Variants in TFDP2 observed in about 807,000 individuals in gnomAD.
TFDP2 encodes the protein transcription factor Dp-2, also known as transcription factor Dp-2 (E2F dimerization partner 2).
A neutral mutation model predicts 59.3 loss-of-function variants in TFDP2; 17 were observed. The ratio of observed to expected loss-of-function variants is 0.29; its 90% confidence interval spans 0.20 to 0.43. The LOEUF (loss-of-function observed/expected upper bound fraction) is 0.43, where lower values mean the gene tolerates loss of function less well. Ranked by LOEUF, TFDP2 falls within the 20% of genes least tolerant of loss-of-function variation. The pLI, the probability that TFDP2 is intolerant of heterozygous loss-of-function variation, is 1.00. For missense variants in TFDP2, 391 were observed against 528.8 expected (o/e 0.74, Z 2.56); for synonymous variants, 180 against 194.7 (o/e 0.92, Z 0.63).
At position 141,968,414 on chromosome 3, in the gene TFDP2, CATATATATCTCATATATAG is replaced by C. The variant is rs1559937206; in HGVS notation, c.732+1640_732+1658del. Among the ~76,000 whole-genome samples, 97 of 103,682 alleles carry C rather than the reference CATATATATCTCATATATAG, an allele frequency of 9.4e-4. 5 individuals carry two copies. Among genetic ancestry groups the C allele is most frequent in the African/African-American group, 3.5e-3 (91 of 26,074 alleles). 68.0% of individuals were successfully genotyped at this position (103,682 alleles called of 152,430 possible). ...TATAACATATATATCATATATATAA[CATATATATCTCATATATAG>C]ATATATATAACATATATATCTCATA... On this transcript the variant is annotated intron_variant, in intron 9 of 12. Coordinates refer to ENST00000489671, the MANE Select transcript of TFDP2 (RefSeq NM_001178139.2).
intron 3 of TFDP2, among the ~76,000 whole-genome samples, chr3:142,064,673 A>G (rs1339718764): frequency 6.6e-6 from 1 of 152,182 alleles, no homozygotes; most frequent in Non-Finnish European, 1.5e-5. Context: ...TGGACTCACT[A>G]AAGGATGTAA....
At chr3:141,966,836 T>C (rs1473264269) in intron 9 of TFDP2, among the ~76,000 whole-genome samples, 1 of 150,448 alleles carries the variant, frequency 6.6e-6, no homozygotes, top group Non-Finnish European at 1.5e-5. Flanking sequence ...GTTACCTGTG[T>C]CATGTGACAT....
At chr3:142,136,433 C>T (rs141456572) in intron 1 of TFDP2, among the ~76,000 whole-genome samples, 2 of 151,936 alleles carry the variant, frequency 1.3e-5, no homozygotes, top group African/African-American at 4.8e-5. Flanking sequence ...TAATTAGATC[C>T]CATTTGTCTA....
intron 6 of TFDP2, among the ~76,000 whole-genome samples, chr3:141,989,901 T>C (rs1942568017): frequency 6.6e-6 from 1 of 150,562 alleles, no homozygotes; most frequent in Non-Finnish European, 1.5e-5. Flanking sequence ...ATAATTATTA[T>C]TATTATTATT....
intron 1 of TFDP2, among the ~76,000 whole-genome samples, chr3:142,131,733 C>T (rs1214602740): frequency 1.3e-5 from 2 of 150,064 alleles, no homozygotes; most frequent in Non-Finnish European, 2.9e-5. Flanking sequence ...TGGCCGGGCA[C>T]GATGTCTCAT....
chr3:142,010,608 CAA>C (rs34003711), intron 3 of TFDP2, among the ~76,000 whole-genome samples: 4 of 57,132 alleles, frequency 7.0e-5, no homozygotes, highest in Non-Finnish European at 1.3e-4. Flanking sequence ...GACTCTGTCT[CAA>C]AAAAAAAAAA....
intron 10 of TFDP2, among the ~76,000 whole-genome samples, chr3:141,960,099 G>A (rs1159598267): frequency 2.0e-5 from 3 of 152,204 alleles, no homozygotes; most frequent in African/African-American, 7.2e-5. Context: ...GTTACAAACA[G>A]AGGATAGAAA....
At chr3:142,059,579 GCTTT>G (rs1283639802) in intron 3 of TFDP2, among the ~76,000 whole-genome samples, 1 of 151,990 alleles carries the variant, frequency 6.6e-6, no homozygotes, top group Non-Finnish European at 1.5e-5. Flanking sequence ...GTTCTCTCCA[GCTTT>G]CTTTCTTTTT....
chr3:142,035,885 C>T (rs1299148911), intron 3 of TFDP2, among the ~76,000 whole-genome samples: 2 of 152,188 alleles, frequency 1.3e-5, no homozygotes, highest in African/African-American at 2.4e-5. Context: ...CCAATTAAAC[C>T]TCTTTCTTTT....
intron 1 of TFDP2, among the ~76,000 whole-genome samples, chr3:142,135,657 T>C (rs2062699178): frequency 6.6e-6 from 1 of 152,042 alleles, no homozygotes; most frequent in Non-Finnish European, 1.5e-5. Context: ...ATATGGTGTT[T>C]GGTTTTCTGT....
intron 8 of TFDP2, among the ~76,000 whole-genome samples, chr3:141,973,312 C>G (rs1940125904): frequency 6.6e-6 from 1 of 151,730 alleles, no homozygotes; most frequent in Admixed American, 6.6e-5. Context: ...CGGGGTTTTA[C>G]CATTTTGACA....
chr3:141,999,871 G>A (rs528280977), intron 4 of TFDP2, among the ~76,000 whole-genome samples: 172 of 152,200 alleles, frequency 1.1e-3, no homozygotes, highest in South Asian at 4.1e-3. Context: ...GAGTAGCTGG[G>A]ACTACAGGCG....
chr3:142,009,770 C>T (rs1944508682), intron 3 of TFDP2, among the ~76,000 whole-genome samples: 1 of 150,668 alleles, frequency 6.6e-6, no homozygotes, highest in South Asian at 2.1e-4. Context: ...AAATTACAGT[C>T]CAGAAATAAT....
chr3:142,038,752 G>T (rs947132144), intron 3 of TFDP2, among the ~76,000 whole-genome samples: 23 of 151,806 alleles, frequency 1.5e-4, no homozygotes, highest in African/African-American at 5.6e-4. Context: ...ACAAAAAAGG[G>T]GATCACACCA....
chr3:141,954,501 G>T (rs1283496488), intron 11 of TFDP2, among the ~76,000 whole-genome samples: 3 of 151,864 alleles, frequency 2.0e-5, no homozygotes, highest in Non-Finnish European at 4.4e-5. Context: ...GCCAGGCATG[G>T]TGATACATGC....
intron 3 of TFDP2, chr3:142,044,130 C>T (rs1947190381): frequency 1.7e-6 from 1 of 597,798 alleles, no homozygotes; most frequent in Non-Finnish European, 3.1e-6. Flanking sequence ...TCGGGTCCAA[C>T]CAGACCTTCT....
intron 2 of TFDP2, among the ~76,000 whole-genome samples, chr3:142,098,120 A>G (rs2061220872): frequency 6.6e-6 from 1 of 152,074 alleles, no homozygotes; most frequent in South Asian, 2.1e-4. Flanking sequence ...TGCTACATAT[A>G]CAAATTTGTA....
At chr3:141,983,389 C>A in intron 6 of TFDP2, among the ~76,000 whole-genome samples, 1 of 152,182 alleles carries the variant, frequency 6.6e-6, no homozygotes, top group East Asian at 1.9e-4. Context: ...GTAATCCCAG[C>A]ACTTTGGGAG....
At chr3:142,019,142 G>A (rs1044288306) in intron 3 of TFDP2, among the ~76,000 whole-genome samples, 3 of 150,802 alleles carry the variant, frequency 2.0e-5, no homozygotes, top group African/African-American at 4.9e-5. Context: ...TCGGCTCACC[G>A]CATCCTCCGC....
Sources: allele counts gnomAD v4.1 joint callset (sites outside exome capture counted in the v4.1 genomes callset), GRCh38; gene constraint gnomAD v4.1.1; transcripts MANE v1.5; gene names NCBI Gene and HGNC (gene_info 2026-07-23, HGNC 2026-07-21).